The following NALF1 variants were observed in gnomAD, a reference collection of about 807,000 sequenced individuals.
NALF1 encodes NALCN channel auxiliary factor 1.
Under a neutral mutation model 48.4 loss-of-function variants are expected in NALF1, and 3 were observed. The observed-to-expected ratio is 0.06, with a 90% CI of 0.03 to 0.16. The LOEUF (loss-of-function observed/expected upper bound fraction) is 0.16, where lower values mean the gene tolerates loss of function less well. NALF1 is among the 10% of genes least tolerant of loss of function. The pLI, the probability that NALF1 is intolerant of heterozygous loss-of-function variation, is 1.00. For missense variants in NALF1, 526 were observed against 571.5 expected, an observed-to-expected ratio of 0.92 and a Z score of 0.81; for synonymous variants, 262 against 245.7, an observed-to-expected ratio of 1.07 and a Z score of -0.62.
chr13:107,337,865 A>G (rs1882589779), intron 1 of NALF1, among the ~76,000 whole-genome samples: 1 of 152,204 alleles, frequency 6.6e-6, no homozygotes, highest in Non-Finnish European at 1.5e-5. Flanking sequence ...CAATGCAATA[A>G]TAATAATAAT....
At chr13:107,412,405 C>T (rs2139001547) in intron 1 of NALF1, among the ~76,000 whole-genome samples, 1 of 152,038 alleles carries the variant, frequency 6.6e-6, no homozygotes, top group East Asian at 1.9e-4. Flanking sequence ...TTTTGGTGTC[C>T]ACTAAAACCT....
intron 1 of NALF1, among the ~76,000 whole-genome samples, chr13:107,711,988 A>G (rs1875606356): frequency 1.3e-5 from 2 of 152,204 alleles, no homozygotes; most frequent in African/African-American, 4.8e-5. Flanking sequence ...AACCTGAGAA[A>G]CAGGTTTTTA....
intron 1 of NALF1, among the ~76,000 whole-genome samples, chr13:107,556,338 C>T (rs537732505): frequency 1.6e-3 from 240 of 147,650 alleles, no homozygotes; most frequent in African/African-American, 5.3e-3. Context: ...TATACACACA[C>T]ATATATATAT....
At chr13:107,814,631 G>A (rs1879109240) in intron 1 of NALF1, among the ~76,000 whole-genome samples, 1 of 152,058 alleles carries the variant, frequency 6.6e-6, no homozygotes, top group Admixed American at 6.6e-5. Context: ...TCATCAGGAG[G>A]CTATAACAAG....
intron 1 of NALF1, among the ~76,000 whole-genome samples, chr13:107,735,698 T>C (rs1349686299): frequency 1.3e-5 from 2 of 152,196 alleles, no homozygotes; most frequent in Non-Finnish European, 2.9e-5. Context: ...ACAGTAAATA[T>C]TGTACAAATA....
intron 1 of NALF1, among the ~76,000 whole-genome samples, chr13:107,437,937 T>C (rs1884489565): frequency 6.6e-6 from 1 of 152,184 alleles, no homozygotes; most frequent in Non-Finnish European, 1.5e-5. Flanking sequence ...TGATGTCAGT[T>C]TGAAATACAT....
At chr13:107,848,767 G>A (rs1880238046) in intron 1 of NALF1, among the ~76,000 whole-genome samples, 1 of 152,114 alleles carries the variant, frequency 6.6e-6, no homozygotes, top group Non-Finnish European at 1.5e-5. Flanking sequence ...GAAAAATTGT[G>A]CAAAATGTCT....
rs541725141 is a variant in NALF1, at chr13:107,214,196, T to C, written c.916-3441A>G. On this transcript the variant is annotated intron_variant, in intron 1 of 2. Coordinates refer to ENST00000375915, the MANE Select transcript of NALF1 (RefSeq NM_001080396.3). ...TCCAAGACACTTCCCAACGTCTTTC[T>C]AGAAGTTTTTGCAGGAAGGGGTTGA... Among the ~76,000 whole-genome samples the C allele has an allele frequency of 3.5e-3, 530 of 152,332 alleles. 3 individuals are homozygous for C. The highest frequency in any genetic ancestry group is 0.012 in the African/African-American group (510 of 41,580).
chr13:107,660,799 T>C (rs530367462), intron 1 of NALF1, among the ~76,000 whole-genome samples: 1 of 152,108 alleles, frequency 6.6e-6, no homozygotes, highest in Admixed American at 6.6e-5. Flanking sequence ...TGTGTTGATG[T>C]AGGTTCATCC....
At chr13:107,292,463 T>A (rs1214961772) in intron 1 of NALF1, among the ~76,000 whole-genome samples, 2 of 149,320 alleles carry the variant, frequency 1.3e-5, no homozygotes, top group African/African-American at 4.9e-5. Flanking sequence ...ATATGCTTAT[T>A]TATAGCTTTT....
At chr13:107,847,867 G>T (rs1472269368) in intron 1 of NALF1, among the ~76,000 whole-genome samples, 1 of 152,214 alleles carries the variant, frequency 6.6e-6, no homozygotes, top group Admixed American at 6.5e-5. Context: ...CTATATGTGT[G>T]AAAATTTGTT....
At chr13:107,361,866 A>G (rs1227192551) in intron 1 of NALF1, among the ~76,000 whole-genome samples, 1 of 152,194 alleles carries the variant, frequency 6.6e-6, no homozygotes, top group Non-Finnish European at 1.5e-5. Flanking sequence ...CCTTAAAGTT[A>G]GGCAAGGCCA....
chr13:107,467,452 T>C lies in NALF1; in HGVS notation c.916-256697A>G, dbSNP rs1340377267. On this transcript the variant is annotated intron_variant, in intron 1 of 2. Coordinates refer to ENST00000375915, the MANE Select transcript of NALF1 (RefSeq NM_001080396.3). ...ACTACTCCACATTCTTCCATTTCTA[T>C]GTGAAATATATTAAAATTTTCATGA... Among the ~76,000 whole-genome samples the C allele has an allele frequency of 4.6e-5, 7 of 151,372 alleles. No individual in the cohort carries two copies. In the East Asian group the frequency reaches 1.4e-3, roughly 29 times the overall value.
At chr13:107,211,575 G>A (rs1327608281) in intron 1 of NALF1, among the ~76,000 whole-genome samples, 5 of 152,260 alleles carry the variant, frequency 3.3e-5, no homozygotes, top group East Asian at 1.9e-4. Context: ...TTTCTGACAC[G>A]AAGGAATAAG....
intron 1 of NALF1, among the ~76,000 whole-genome samples, chr13:107,309,964 G>T (rs1341177194): frequency 3.3e-5 from 5 of 152,104 alleles, no homozygotes. Flanking sequence ...CATTTTAAAA[G>T]CACAATACTC....
chr13:107,634,474 T>C (rs1423758974), intron 1 of NALF1, among the ~76,000 whole-genome samples: 1 of 152,160 alleles, frequency 6.6e-6, no homozygotes, highest in Non-Finnish European at 1.5e-5. Flanking sequence ...TATATGAACA[T>C]GTCAGAAAAT....
At chr13:107,325,614 G>A (rs1005208082) in intron 1 of NALF1, among the ~76,000 whole-genome samples, 2 of 151,896 alleles carry the variant, frequency 1.3e-5, no homozygotes, top group Non-Finnish European at 2.9e-5. Flanking sequence ...GAGGCGGGTA[G>A]ATCACTTGAG....
chr13:107,507,126 T>A (rs1159450390), intron 1 of NALF1, among the ~76,000 whole-genome samples: 1 of 152,126 alleles, frequency 6.6e-6, no homozygotes, highest in Non-Finnish European at 1.5e-5. Context: ...TCATTCAACA[T>A]TGAATGGAGA....
chr13:107,499,663 T>C (rs1875452270), intron 1 of NALF1, among the ~76,000 whole-genome samples: 1 of 152,162 alleles, frequency 6.6e-6, no homozygotes, highest in African/African-American at 2.4e-5. Context: ...ATTAAGGACA[T>C]TGTAAAGAAG....
Sources: allele counts gnomAD v4.1 joint callset (sites outside exome capture counted in the v4.1 genomes callset), GRCh38; gene constraint gnomAD v4.1.1; transcripts MANE v1.5; gene names NCBI Gene and HGNC (gene_info 2026-07-23, HGNC 2026-07-21).